The following RETREG1 variants were observed in gnomAD, a reference collection of about 807,000 sequenced individuals.
The protein encoded by RETREG1 is family with sequence similarity 134 member B.
A neutral mutation model predicts 54.8 loss-of-function variants in RETREG1; 44 were observed. That is an observed-to-expected ratio of 0.80 (90% CI 0.63 to 1.03). The LOEUF is 1.03. Ranked by LOEUF, RETREG1 falls within the 50% of genes least tolerant of loss-of-function variation. RETREG1 has a pLI of 0.00. For synonymous variants in RETREG1, 217 were observed against 238.5 expected (o/e 0.91, Z 0.83); for missense variants, 554 against 605.1 (o/e 0.92, Z 0.89).
intron 1 of RETREG1, among the ~76,000 whole-genome samples, chr5:16,612,236 T>A (rs1433469201): frequency 6.6e-6 from 1 of 152,178 alleles, no homozygotes; most frequent in African/African-American, 2.4e-5. Context: ...ATATTCTAGA[T>A]CTCAACTGCC....
At chr5:16,483,203 G>T in intron 4 of RETREG1, 143 bp downstream of exon 4, 1 of 925,190 alleles carries the variant, frequency 1.1e-6, no homozygotes. Context: ...TCTGAACCTT[G>T]CTGATACCAG....
chr5:16,492,229 T>TCTCTCTCTCTCTCTCA (rs1406702350), intron 3 of RETREG1, among the ~76,000 whole-genome samples: 7 of 110,570 alleles, frequency 6.3e-5, no homozygotes, highest in African/African-American at 1.9e-4. Flanking sequence ...TCTCTCTCTC[T>TCTCTCTCTCTCTCTCA]CACACACACA....
intron 1 of RETREG1, among the ~76,000 whole-genome samples, chr5:16,581,800 T>A (rs1742491765): frequency 6.6e-6 from 1 of 152,228 alleles, no homozygotes; most frequent in Admixed American, 6.5e-5. Flanking sequence ...GAGAGTTACA[T>A]GTTCTTTTAG....
rs545729750 is a variant in RETREG1 at position 16,520,128 on chromosome 5, A to C, written c.459-36656T>G. Among the ~76,000 whole-genome samples the C allele has an allele frequency of 3.2e-3, 489 of 152,224 alleles. 1 individual carries two copies. The highest frequency in any genetic ancestry group is 6.5e-3 in the Admixed American group (99 of 15,292). ...GGGACAGGCCAGCCCGGTGGGAGAG[A>C]AGGCCAGGAGAGCAGGACATGGACT... On this transcript the variant is annotated intron_variant, in intron 3 of 8. Transcript: ENST00000306320.
intron 1 of RETREG1, among the ~76,000 whole-genome samples, chr5:16,596,952 T>C (rs1421549732): frequency 1.3e-5 from 2 of 152,082 alleles, no homozygotes; most frequent in Non-Finnish European, 2.9e-5. Context: ...TGAGAAACAA[T>C]AGGACAGGAG....
intron 3 of RETREG1, among the ~76,000 whole-genome samples, chr5:16,484,732 T>TA (rs1412272801): frequency 2.6e-5 from 4 of 152,168 alleles, no homozygotes; most frequent in Non-Finnish European, 5.9e-5. Context: ...ATGAGTGCAA[T>TA]AGCATATTTT....
intron 3 of RETREG1, among the ~76,000 whole-genome samples, chr5:16,539,811 T>C (rs1316852433): frequency 6.6e-6 from 1 of 152,264 alleles, no homozygotes; most frequent in African/African-American, 2.4e-5. Context: ...ATTCACCAGA[T>C]GTTTAGATGT....
At chr5:16,579,781 G>C (rs147509676) in intron 1 of RETREG1, among the ~76,000 whole-genome samples, 1 of 152,116 alleles carries the variant, frequency 6.6e-6, no homozygotes, top group Non-Finnish European at 1.5e-5. Context: ...TTTTTGTGGC[G>C]TGATAGTACA....
At chr5:16,578,522 G>A (rs553015795) in intron 1 of RETREG1, among the ~76,000 whole-genome samples, 2 of 152,308 alleles carry the variant, frequency 1.3e-5, no homozygotes, top group African/African-American at 4.8e-5. Flanking sequence ...GGGCGTGGGC[G>A]ATCCTGACAC....
rs112922841 is a variant in RETREG1 at position 16,473,767 on chromosome 5, A to G, written c.*974T>C. The G allele has an allele frequency of 5.9e-5, 9 of 152,330 alleles. No individual in the cohort carries two copies. The highest frequency in any genetic ancestry group is 2.2e-4 in the African/African-American group (9 of 41,582). The allele number at this position is 152,330 out of a possible 1,614,324, so 9.4% of individuals were successfully genotyped here. A position where few individuals can be genotyped will look rare whatever the true frequency, so the allele number is the denominator to read the frequency against. On this transcript the variant is annotated 3_prime_UTR_variant, in exon 9 of 9. Coordinates refer to ENST00000306320, the MANE Select transcript of RETREG1 (RefSeq NM_001034850.3). The stretch of plus-strand genomic sequence containing the variant: ...TAAATGGCAAATAAATATATTTTAA[A>G]GCCAAGCAAGTTCCTCTCCTCTATA...
chr5:16,548,622 T>C (rs1177085029), intron 3 of RETREG1, among the ~76,000 whole-genome samples: 1 of 152,214 alleles, frequency 6.6e-6, no homozygotes, highest in Non-Finnish European at 1.5e-5. Context: ...GGAGTCATAA[T>C]GTATTCATTA....
chr5:16,537,651 T>C (rs1425252866), intron 3 of RETREG1, among the ~76,000 whole-genome samples: 1 of 152,124 alleles, frequency 6.6e-6, no homozygotes, highest in African/African-American at 2.4e-5. Context: ...TAAGCCTAGT[T>C]CGTACCACTG....
At chr5:16,500,126 G>T (rs1739641256) in intron 3 of RETREG1, among the ~76,000 whole-genome samples, 1 of 152,204 alleles carries the variant, frequency 6.6e-6, no homozygotes, top group Non-Finnish European at 1.5e-5. Context: ...GGGTGAGCTT[G>T]TCCATACGAA....
chr5:16,523,127 C>T (rs985926998), intron 3 of RETREG1, among the ~76,000 whole-genome samples: 5 of 152,202 alleles, frequency 3.3e-5, no homozygotes, highest in Non-Finnish European at 5.9e-5. Flanking sequence ...ATCTCTCTCA[C>T]CCAGTTTTCC....
At chr5:16,541,043 A>G (rs964192185) in intron 3 of RETREG1, among the ~76,000 whole-genome samples, 2 of 152,202 alleles carry the variant, frequency 1.3e-5, no homozygotes, top group African/African-American at 4.8e-5. Flanking sequence ...ACTGCCCCAG[A>G]CCTTACTCAT....
chr5:16,541,473 G>C (rs1419668655), intron 3 of RETREG1, among the ~76,000 whole-genome samples: 3 of 152,178 alleles, frequency 2.0e-5, no homozygotes, highest in Non-Finnish European at 4.4e-5. Flanking sequence ...CGGATCTCAA[G>C]GTCAGGAGTT....
intron 3 of RETREG1, among the ~76,000 whole-genome samples, chr5:16,531,752 G>A (rs1322284706): frequency 6.6e-6 from 1 of 152,210 alleles, no homozygotes; most frequent in Non-Finnish European, 1.5e-5. Context: ...ACAGAGCAGA[G>A]TGGAGCAGGA....
chr5:16,490,870 A>T (rs1379372774), intron 3 of RETREG1, among the ~76,000 whole-genome samples: 5 of 152,254 alleles, frequency 3.3e-5, no homozygotes, highest in African/African-American at 1.2e-4. Flanking sequence ...CTAAATGCCA[A>T]GCTACACAAA....
chr5:16,527,542 G>A (rs978294022), intron 3 of RETREG1, among the ~76,000 whole-genome samples: 1 of 152,086 alleles, frequency 6.6e-6, no homozygotes, highest in Non-Finnish European at 1.5e-5. Flanking sequence ...CATTTTAGAT[G>A]TCATAGAAGT....
Sources: gnomAD v4.1 joint callset for allele counts (sites outside exome capture counted in the v4.1 genomes callset) on GRCh38, gnomAD v4.1.1 for gene constraint, MANE v1.5 for transcripts, NCBI Gene and HGNC (gene_info 2026-07-23, HGNC 2026-07-21) for gene names.